Variants in TENM3 observed in about 807,000 individuals in gnomAD.
The protein encoded by TENM3 is teneurin transmembrane protein 3.
TENM3 carries 63 observed loss-of-function variants against 255.1 expected under a neutral mutation model. That is an observed-to-expected ratio of 0.25 (90% CI 0.20 to 0.30). The LOEUF is 0.30. Ranked by LOEUF, TENM3 falls within the 10% of genes least tolerant of loss-of-function variation. The pLI, the probability that TENM3 is intolerant of heterozygous loss-of-function variation, is 1.00. For missense variants in TENM3, 2,929 were observed against 3,461.1 expected (o/e 0.85, Z 3.86); for synonymous variants, 1,306 against 1,322.3 (o/e 0.99, Z 0.27).
the TENM3 span, among the ~76,000 whole-genome samples, chr4:181,635,267 C>T: frequency 2.0e-5 from 3 of 152,040 alleles, no homozygotes; most frequent in Non-Finnish European, 4.4e-5. Context: ...TACTAGTTCA[C>T]CTCATTATAG....
rs899735030 is a variant in TENM3, at chr4:182,630,772, AT to A, written c.988+1893del. Among the ~76,000 whole-genome samples, 407 of 149,456 alleles carry A rather than the reference AT, an allele frequency of 2.7e-3. 2 individuals carry two copies. Among genetic ancestry groups the A allele is most frequent in the African/African-American group, 9.4e-3 (383 of 40,862 alleles). On this transcript the variant is annotated intron_variant, in intron 5 of 27. Coordinates refer to ENST00000511685, the MANE Select transcript of TENM3 (RefSeq NM_001080477.4). ...TTATTTATTTTATTTTATTATTATTATTTTTTTTTTACTAAATGGGGCACAC... is the reference window on the plus strand; with the variant it reads ...TTATTTATTTTATTTTATTATTATTATTTTTTTTTACTAAATGGGGCACAC...
In TENM3 at chr4:182,743,403, A is replaced by G. The variant is rs1186920585; in HGVS notation, c.3613A>G (p.Ser1205Gly). ...RRIFPSGNVT[S>G]VLELSSNPAH... ...GATATTCCCTTCTGGAAATGTAACA[A>G]GTGTCTTAGAACTAAGGTACGTCTT... Residue 1205 changes from serine (S) to glycine (G), a missense_variant, in exon 19 of 28, where the codon AGT (serine) becomes GGT (glycine). Physicochemically the swap from Ser to Gly is moderately conservative, Grantham distance 56. Around this residue, in one of 6 missense-constraint regions of TENM3, gnomAD observed 1,608 missense variants for 1,884.4 expected, o/e 0.85. Coordinates refer to ENST00000511685, the MANE Select transcript of TENM3 (RefSeq NM_001080477.4). 6.2e-7 allele frequency: 1 copy of G among 1,613,918 alleles called. No homozygotes were observed. The highest frequency in any genetic ancestry group is 1.7e-5 in the Admixed American group (1 of 60,024).
the TENM3 span, among the ~76,000 whole-genome samples, chr4:181,495,674 A>G: frequency 2.0e-5 from 3 of 152,148 alleles, no homozygotes; most frequent in Admixed American, 6.5e-5. Context: ...ATAAAATTAT[A>G]GTCTTAGATT....
At chr4:181,527,935 A>G in the TENM3 span, among the ~76,000 whole-genome samples, 1 of 152,088 alleles carries the variant, frequency 6.6e-6, no homozygotes, top group African/African-American at 2.4e-5. Context: ...AAATATATTA[A>G]TGGCTGAACA....
chr4:182,349,109 A>G (rs1196649662), intron 3 of TENM3, among the ~76,000 whole-genome samples: 2 of 152,330 alleles, frequency 1.3e-5, no homozygotes, highest in South Asian at 4.1e-4. Flanking sequence ...TGTTGAGAGT[A>G]AATAGGTCAG....
intron 3 of TENM3, among the ~76,000 whole-genome samples, chr4:182,375,422 G>T (rs930878): frequency 0.44 from 67,183 of 152,058 alleles, 15,919 homozygotes; most frequent in Non-Finnish European, 0.53. Flanking sequence ...AATTCAGAGA[G>T]AAACTTAGTC....
the TENM3 span, among the ~76,000 whole-genome samples, chr4:182,035,835 A>G: frequency 3.3e-5 from 5 of 152,150 alleles, no homozygotes; most frequent in Non-Finnish European, 5.9e-5. Flanking sequence ...CTCAGGATGA[A>G]AATCAAAATC....
At chr4:182,230,812 C>CCATA (rs1491106795) in intron 1 of TENM3, among the ~76,000 whole-genome samples, 2 of 58,064 alleles carry the variant, frequency 3.4e-5, no homozygotes, top group South Asian at 9.1e-4. Context: ...GTTTCTCAAA[C>CCATA]TATATATATA....
the TENM3 span, among the ~76,000 whole-genome samples, chr4:181,594,099 G>A: frequency 6.6e-6 from 1 of 151,898 alleles, no homozygotes. Context: ...GTTTCCAGGT[G>A]TAAGAAGAAC....
the TENM3 span, among the ~76,000 whole-genome samples, chr4:181,534,160 G>A: frequency 0.092 from 14,015 of 151,638 alleles, 730 homozygotes; most frequent in East Asian, 0.19. Context: ...GGAAGCCGAG[G>A]TGGGTGGATC....
intron 1 of TENM3, among the ~76,000 whole-genome samples, chr4:182,193,763 A>G (rs761260676): frequency 1.3e-5 from 2 of 152,212 alleles, no homozygotes; most frequent in African/African-American, 2.4e-5. Flanking sequence ...TTGAGCAAGA[A>G]TCATGTTTTA....
the TENM3 span, among the ~76,000 whole-genome samples, chr4:181,907,457 A>T: frequency 1.3e-5 from 2 of 152,298 alleles, no homozygotes; most frequent in South Asian, 4.1e-4. Flanking sequence ...AAACACAGAC[A>T]AGCACTAGAG....
At chr4:182,389,240 T>G (rs562930557) in intron 3 of TENM3, among the ~76,000 whole-genome samples, 48 of 152,278 alleles carry the variant, frequency 3.2e-4, no homozygotes, top group Middle Eastern at 3.4e-3. Flanking sequence ...GTGTTTCCAC[T>G]AATCTGATCC....
At chr4:182,665,639 T>C (rs1000266953) in intron 6 of TENM3, among the ~76,000 whole-genome samples, 1 of 152,146 alleles carries the variant, frequency 6.6e-6, no homozygotes, top group Non-Finnish European at 1.5e-5. Flanking sequence ...CTCACACCTG[T>C]AATCCCAGCA....
At chr4:182,366,886 T>C (rs907398748) in intron 3 of TENM3, among the ~76,000 whole-genome samples, 1 of 152,102 alleles carries the variant, frequency 6.6e-6, no homozygotes, top group African/African-American at 2.4e-5. Context: ...AAATAAAGTG[T>C]TAATCCTGCA....
intron 19 of TENM3, among the ~76,000 whole-genome samples, chr4:182,748,937 G>A (rs980830851): frequency 1.6e-4 from 25 of 152,270 alleles, no homozygotes; most frequent in African/African-American, 5.8e-4. Context: ...GGAAGGAGAT[G>A]CTTCAGGACA....
intron 1 of TENM3, among the ~76,000 whole-genome samples, chr4:182,261,896 T>C (rs1261427692): frequency 6.6e-6 from 1 of 152,170 alleles, no homozygotes; most frequent in Non-Finnish European, 1.5e-5. Flanking sequence ...TAGGCAGCCT[T>C]CCAACAAGAC....
At chr4:181,845,197 T>C in the TENM3 span, among the ~76,000 whole-genome samples, 2 of 152,206 alleles carry the variant, frequency 1.3e-5, no homozygotes, top group Non-Finnish European at 2.9e-5. Context: ...CTTGAGACTA[T>C]GTTTTAGTAA....
At chr4:181,493,772 T>C in the TENM3 span, among the ~76,000 whole-genome samples, 14,379 of 152,026 alleles carry the variant, frequency 0.095, 829 homozygotes, top group Middle Eastern at 0.24. Flanking sequence ...AATAAAGTTA[T>C]AGAGATAAGT....
Sources: allele counts gnomAD v4.1 joint callset (sites outside exome capture counted in the v4.1 genomes callset), GRCh38; gene constraint gnomAD v4.1.1; regional missense constraint gnomAD v4.1.1; transcripts MANE v1.5; gene names NCBI Gene and HGNC (gene_info 2026-07-23, HGNC 2026-07-21).